The following DMD variants were observed in gnomAD, a reference collection of about 807,000 sequenced individuals.
DMD encodes the protein mutant dystrophin.
A neutral mutation model predicts 330.1 loss-of-function variants in DMD; 63 were observed. That is an observed-to-expected ratio of 0.19 (90% CI 0.16 to 0.24). DMD has a LOEUF of 0.24. DMD is among the 10% of genes least tolerant of loss of function. The pLI is 1.00. For missense variants in DMD, 3,344 were observed against 2,684.1 expected (o/e 1.25, Z -5.43); for synonymous variants, 1,223 against 959.8 (o/e 1.27, Z -5.07).
At chrX:33,175,558 G>A (rs749976601) in intron 1 of DMD, among the ~76,000 whole-genome samples, 4 of 111,966 alleles carry the variant, frequency 3.6e-5, no homozygotes, top group South Asian at 3.7e-4. Flanking sequence ...GTCATCCAAT[G>A]CACAAAGCTT....
chrX:32,647,612 T>C (rs139233284), intron 9 of DMD, among the ~76,000 whole-genome samples: 1,497 of 111,773 alleles, frequency 0.013, 5 homozygotes, highest in Non-Finnish European at 0.023. Flanking sequence ...ACTTTGGGAG[T>C]TACCTAGCCC....
At chrX:32,803,902 A>G (rs141897323) in intron 7 of DMD, among the ~76,000 whole-genome samples, 1,517 of 112,051 alleles carry the variant, frequency 0.014, 14 homozygotes, top group Non-Finnish European at 0.022. Context: ...AATAAGTGCA[A>G]TGTGGTGCTG....
At chrX:31,889,513 C>T (rs894199043) in intron 47 of DMD, among the ~76,000 whole-genome samples, 1 of 110,000 alleles carries the variant, frequency 9.1e-6, no homozygotes, top group Non-Finnish European at 1.9e-5. Flanking sequence ...TAACTATCCA[C>T]CTACCCACAA....
chrX:32,839,190 G>A (rs1281241072), intron 4 of DMD, among the ~76,000 whole-genome samples: 20 of 110,221 alleles, frequency 1.8e-4, no homozygotes, highest in African/African-American at 6.3e-4. Flanking sequence ...TCTCTGCTAT[G>A]TTTCCTTTAT....
intron 54 of DMD, among the ~76,000 whole-genome samples, chrX:31,639,004 G>A (rs1165591463): frequency 3.6e-5 from 4 of 111,743 alleles, no homozygotes; most frequent in Non-Finnish European, 7.5e-5. Context: ...TCACAGAATT[G>A]TAAAAGACTG....
chrX:31,617,769 C>G (rs940650191), intron 55 of DMD, among the ~76,000 whole-genome samples: 1 of 111,080 alleles, frequency 9.0e-6, no homozygotes, highest in East Asian at 2.8e-4. Context: ...AAGACACATG[C>G]AGCTGTATGT....
At chrX:32,569,642 C>A (rs768570310) in intron 15 of DMD, among the ~76,000 whole-genome samples, 67 of 111,620 alleles carry the variant, frequency 6.0e-4, no homozygotes, top group African/African-American at 2.1e-3. Context: ...TGAGGGCCAT[C>A]CCAGGAGTTG....
chrX:32,009,236 G>C (rs1569531227), intron 44 of DMD, among the ~76,000 whole-genome samples: 1 of 111,690 alleles, frequency 9.0e-6, no homozygotes, highest in Non-Finnish European at 1.9e-5. Context: ...AAAATAAAGG[G>C]AGTCAGTCAA....
chrX:31,267,118 A>AGAATCTT (rs1178246931), intron 62 of DMD, among the ~76,000 whole-genome samples: 1 of 110,277 alleles, frequency 9.1e-6, no homozygotes, highest in Non-Finnish European at 1.9e-5. Flanking sequence ...AAAGAAAGAA[A>AGAATCTT]GAAAGAAAGA....
intron 44 of DMD, among the ~76,000 whole-genome samples, chrX:32,137,681 G>A (rs1053475101): frequency 9.1e-6 from 1 of 110,080 alleles, no homozygotes; most frequent in Admixed American, 9.7e-5. Flanking sequence ...TGGGTATGTT[G>A]CATGATGAAA....
intron 42 of DMD, among the ~76,000 whole-genome samples, chrX:32,291,915 G>A (rs1002282907): frequency 1.8e-5 from 2 of 111,938 alleles, no homozygotes; most frequent in South Asian, 7.5e-4. Flanking sequence ...AAGGGTGACT[G>A]AATGGCAAGC....
intron 2 of DMD, among the ~76,000 whole-genome samples, chrX:32,863,266 C>T (rs1230821232): frequency 9.1e-6 from 1 of 109,870 alleles, no homozygotes; most frequent in African/African-American, 3.3e-5. Flanking sequence ...CCTGTAACCC[C>T]AGTACTTTGG....
intron 50 of DMD, among the ~76,000 whole-genome samples, chrX:31,781,992 C>A (rs928287705): frequency 9.0e-6 from 1 of 111,015 alleles, no homozygotes; most frequent in Admixed American, 9.6e-5. Context: ...TTTTTTTTCT[C>A]ATTCCTCAGA....
intron 1 of DMD, among the ~76,000 whole-genome samples, chrX:33,136,428 A>G (rs1431272640): frequency 5.7e-5 from 6 of 105,456 alleles, no homozygotes; most frequent in Non-Finnish European, 7.7e-5. Flanking sequence ...CATCACGAGT[A>G]GCAAGCTGCC....
chrX:32,355,843 C>T (rs2097797148), intron 37 of DMD, among the ~76,000 whole-genome samples: 1 of 110,475 alleles, frequency 9.1e-6, no homozygotes, highest in African/African-American at 3.3e-5. Flanking sequence ...AAGTCTTCAT[C>T]TCAGTTTTCA....
chrX:32,833,396 G>A lies in DMD; in HGVS notation c.265-10009C>T, dbSNP rs188734140. Reference sequence around the variant, plus strand: ...AAGTTTTGATACAGGTAATCTGGTTGAACGTATTAATAAAATGCAAACTAA... The same window carrying A: ...AAGTTTTGATACAGGTAATCTGGTTAAACGTATTAATAAAATGCAAACTAA... On this transcript the variant is annotated intron_variant, in intron 4 of 78. Coordinates refer to ENST00000357033, the MANE Select transcript of DMD (RefSeq NM_004006.3). Among the ~76,000 whole-genome samples the A allele has an allele frequency of 5.1e-3, 561 of 110,343 alleles. 10 individuals are homozygous for A. The highest frequency in any genetic ancestry group is 0.014 in the South Asian group (37 of 2,673).
At chrX:31,615,915 T>C (rs2078172231) in intron 55 of DMD, among the ~76,000 whole-genome samples, 1 of 111,909 alleles carries the variant, frequency 8.9e-6, no homozygotes, top group Non-Finnish European at 1.9e-5. Flanking sequence ...AGTAATAACA[T>C]AATATTAGCT....
intron 17 of DMD, among the ~76,000 whole-genome samples, chrX:32,525,434 G>A (rs1337713262): frequency 1.8e-5 from 2 of 111,203 alleles, no homozygotes; most frequent in African/African-American, 3.3e-5. Context: ...GGCCTCCCAT[G>A]TACTCTCCCT....
chrX:32,600,423 T>C (rs1158289782), intron 12 of DMD, among the ~76,000 whole-genome samples: 1 of 110,915 alleles, frequency 9.0e-6, no homozygotes, highest in Non-Finnish European at 1.9e-5. Context: ...GCTTTTGTTT[T>C]ACTTGTCTAT....
Sources: gnomAD v4.1 joint callset for allele counts (sites outside exome capture counted in the v4.1 genomes callset) on GRCh38, gnomAD v4.1.1 for gene constraint, MANE v1.5 for transcripts, NCBI Gene and HGNC (gene_info 2026-07-23, HGNC 2026-07-21) for gene names.